The following ZFHX3 variants were observed in gnomAD, a reference collection of about 807,000 sequenced individuals.
ZFHX3 encodes zinc finger homeobox protein 3.
In ZFHX3, 42 loss-of-function variants were observed where a neutral mutation model predicts 279.1. That is an observed-to-expected ratio of 0.15 (90% CI 0.12 to 0.19). ZFHX3 has a LOEUF of 0.19. Among genes scored for constraint, ZFHX3 ranks in the 10% least tolerant of loss-of-function variants. The probability of loss-of-function intolerance (pLI) is 1.00; values close to 1 mark genes in which losing one functional copy is unlikely to be tolerated. For missense variants in ZFHX3, 4,981 were observed against 4,754.0 expected, an observed-to-expected ratio of 1.05 and a Z score of -1.40; for synonymous variants, 2,293 against 1,957.8, an observed-to-expected ratio of 1.17 and a Z score of -4.52.
In ZFHX3 at chr16:73,817,773, T is replaced by C. The variant is rs576880070; in HGVS notation, c.-1608+73878A>G. ...TACTCATTAGTACTGCATTAGTCTA[T>C]AAACGCCGAAAGAAATGCTTAGTTC... is the stretch of plus-strand genomic sequence containing the variant. On this transcript the variant is annotated intron_variant, in intron 1 of 17. Transcript: ENST00000641206. 1.8e-4 allele frequency among the ~76,000 whole-genome samples: 27 copies of C among 152,296 alleles called. No individual in the cohort carries two copies. The South Asian group carries it at 4.4e-3, about 25-fold the overall frequency.
chr16:73,272,278 A>C (rs756799799), intron 4 of ZFHX3, among the ~76,000 whole-genome samples: 8 of 152,206 alleles, frequency 5.3e-5, no homozygotes, highest in Non-Finnish European at 1.0e-4. Flanking sequence ...TTGCAAAATA[A>C]ATTATTGAGT....
intron 1 of ZFHX3, among the ~76,000 whole-genome samples, chr16:73,866,720 TGATTC>T (rs1261190625): frequency 3.3e-5 from 5 of 152,194 alleles, no homozygotes; most frequent in Non-Finnish European, 5.9e-5. Context: ...AAACCGGATT[TGATTC>T]AACAGCACAG....
At chr16:72,839,617 T>A (rs188150261) in intron 4 of ZFHX3, among the ~76,000 whole-genome samples, 2 of 151,842 alleles carry the variant, frequency 1.3e-5, no homozygotes, top group East Asian at 3.9e-4. Flanking sequence ...GACAGAAAAT[T>A]TGATAAAGCC....
intron 8 of ZFHX3, among the ~76,000 whole-genome samples, chr16:73,087,684 CAGT>C (rs1966024703): frequency 6.6e-6 from 1 of 152,122 alleles, no homozygotes. Flanking sequence ...TTTTTAATGT[CAGT>C]TTGGGCTCTT....
chr16:73,880,258 G>GT (rs2030099938), intron 1 of ZFHX3, among the ~76,000 whole-genome samples: 1 of 152,166 alleles, frequency 6.6e-6, no homozygotes, highest in Admixed American at 6.5e-5. Flanking sequence ...AGGCAGAGAG[G>GT]TTTAGATGGG....
In ZFHX3 at chr16:73,042,319, A is replaced by T. The variant is rs145241862; in HGVS notation, c.-50+5433T>A. On this transcript the variant is annotated intron_variant, in intron 1 of 9. Transcript: ENST00000268489. Reference sequence around the variant, plus strand: ...AGAAGACAGAGGCAGTCGCCTCTGAACTAGAATCTTCCTACTGAAATGCAG... The same window carrying T: ...AGAAGACAGAGGCAGTCGCCTCTGATCTAGAATCTTCCTACTGAAATGCAG... Among the ~76,000 whole-genome samples the T allele has an allele frequency of 9.9e-5, 15 of 152,276 alleles. 1 individual carries two copies. In the East Asian group the frequency reaches 2.9e-3, roughly 29 times the overall value.
intron 3 of ZFHX3, among the ~76,000 whole-genome samples, chr16:72,925,917 T>G (rs982022033): frequency 6.6e-6 from 1 of 152,194 alleles, no homozygotes; most frequent in African/African-American, 2.4e-5. Flanking sequence ...ATAACACATG[T>G]CAGTTTCTTG....
chr16:73,341,251 G>T (rs4087813), intron 3 of ZFHX3, among the ~76,000 whole-genome samples: 53,900 of 151,958 alleles, frequency 0.35, 11,220 homozygotes, highest in Non-Finnish European at 0.47. Context: ...TGAGGCAGGA[G>T]AATTGTTTGA....
intron 1 of ZFHX3, among the ~76,000 whole-genome samples, chr16:73,865,282 A>G (rs1961982248): frequency 6.6e-6 from 1 of 152,208 alleles, no homozygotes; most frequent in African/African-American, 2.4e-5. Flanking sequence ...GGATCTGAAA[A>G]TAAGTTAAAA....
At chr16:72,834,613 G>A (rs1433348755) in intron 4 of ZFHX3, among the ~76,000 whole-genome samples, 1 of 152,126 alleles carries the variant, frequency 6.6e-6, no homozygotes, top group African/African-American at 2.4e-5. Flanking sequence ...TGAAGGAGGA[G>A]AGCATGCCAA....
At chr16:73,410,576 AAT>A (rs1023385451) in intron 3 of ZFHX3, among the ~76,000 whole-genome samples, 1 of 152,168 alleles carries the variant, frequency 6.6e-6, no homozygotes, top group African/African-American at 2.4e-5. Flanking sequence ...GTACCCCAAA[AAT>A]ATATATATAA....
At position 73,397,394 on chromosome 16, in the gene ZFHX3, C is replaced by T. The variant is rs79648263; in HGVS notation, c.-1291+58609G>A. On this transcript the variant is annotated intron_variant, in intron 3 of 17. Coordinates refer to the ZFHX3 transcript ENST00000641206. ...GTCACTGGGTGAGGTTGAGAGGAGG[C>T]AGAGGAAGAGTAAGTGGAGGCAGTT... Among the ~76,000 whole-genome samples the T allele has an allele frequency of 6.3e-3, 956 of 152,076 alleles. 32 individuals carry two copies. In the East Asian group the frequency reaches 0.11, roughly 18 times the overall value.
chr16:73,135,606 C>T (rs1431934063), intron 6 of ZFHX3, among the ~76,000 whole-genome samples: 3 of 152,184 alleles, frequency 2.0e-5, no homozygotes, highest in Non-Finnish European at 4.4e-5. Context: ...CTGTGGAAGT[C>T]TTTTCACATA....
chr16:72,814,579 T>C (rs2036551119), intron 5 of ZFHX3, among the ~76,000 whole-genome samples: 1 of 151,194 alleles, frequency 6.6e-6, no homozygotes, highest in Non-Finnish European at 1.5e-5. Flanking sequence ...GAAGCCACTA[T>C]TCTTTCCCCC....
chr16:72,889,885 C>G lies in ZFHX3; in HGVS notation c.3294G>C (p.Lys1098Asn), dbSNP rs2144075411. The change falls in exon 4 of 10, where the codon AAG becomes AAC. Residue 1098 changes from lysine (K) to asparagine (N), a missense_variant. Coordinates refer to ENST00000268489, the MANE Select transcript of ZFHX3 (RefSeq NM_006885.4). ...YHCVLCNYST[K>N]AKLNLIQHVR... ...CATGCTGGATGAGGTTGAGCTTGGC[C>G]TTGGTGGAGTAGTTGCACAGAACGC... 6.2e-7 allele frequency: 1 copy of G among 1,614,186 alleles called. No homozygotes were observed. Among genetic ancestry groups the G allele is most frequent in the African/African-American group, 1.3e-5 (1 of 75,068 alleles).
intron 1 of ZFHX3, among the ~76,000 whole-genome samples, chr16:73,710,487 T>C (rs1278214117): frequency 6.6e-6 from 1 of 152,190 alleles, no homozygotes; most frequent in Non-Finnish European, 1.5e-5. Context: ...AGTTCAGTCA[T>C]CAACTGTTGT....
At chr16:73,487,028 T>C (rs2018987687) in intron 2 of ZFHX3, 1 of 335,600 alleles carries the variant, frequency 3.0e-6, no homozygotes, top group Non-Finnish European at 6.0e-6. Flanking sequence ...TGGACAGCAA[T>C]AACAGAACTA....
At chr16:72,967,188 C>T (rs777717892) in intron 1 of ZFHX3, among the ~76,000 whole-genome samples, 2 of 152,114 alleles carry the variant, frequency 1.3e-5, no homozygotes, top group Admixed American at 6.6e-5. Flanking sequence ...TAGTTTAAGA[C>T]GTGTCTGGTG....
chr16:73,597,601 G>A (rs904110589), intron 2 of ZFHX3, among the ~76,000 whole-genome samples: 1 of 152,160 alleles, frequency 6.6e-6, no homozygotes, highest in African/African-American at 2.4e-5. Context: ...ACAGAGAGGA[G>A]AGCCTCACGG....
Sources: gnomAD v4.1 joint callset for allele counts (sites outside exome capture counted in the v4.1 genomes callset) on GRCh38, gnomAD v4.1.1 for gene constraint, MANE v1.5 for transcripts, NCBI Gene and HGNC (gene_info 2026-07-23, HGNC 2026-07-21) for gene names.